Variants in ZNF396 observed in about 807,000 individuals in gnomAD.
ZNF396 encodes the protein zinc finger protein 396.
Under a neutral mutation model 20.5 loss-of-function variants are expected in ZNF396, and 14 were observed. The ratio of observed to expected loss-of-function variants is 0.68; its 90% CI spans 0.45 to 1.07. ZNF396 has a LOEUF of 1.07. ZNF396 is among the 50% of genes least tolerant of loss of function. The probability of loss-of-function intolerance (pLI) is 0.00; values close to 1 mark genes in which losing one functional copy is unlikely to be tolerated. For synonymous variants in ZNF396, 119 were observed against 140.6 expected (o/e 0.85, Z 1.08); for missense variants, 347 against 390.1 (o/e 0.89, Z 0.93).
In ZNF396 at chr18:35,369,691, A is replaced by C. The variant is rs770127498; in HGVS notation, c.563-31T>G. 5.1e-6 allele frequency: 8 copies of C among 1,557,590 alleles called. No homozygotes were observed. In the Admixed American group the frequency reaches 1.6e-4, roughly 32 times the overall value. ...ATGGAAAAACAAATGTCACCAGGAA[A>C]GAGAAAGGATGATCCAAATGAAATA... On this transcript the variant is annotated intron_variant, in intron 3 of 3. Transcript: ENST00000589332.
At chr18:35,373,371 G>A in intron 3 of ZNF396, 85 bp downstream of exon 3, 1 of 1,458,200 alleles carries the variant, frequency 6.9e-7, no homozygotes, top group East Asian at 2.4e-5. Flanking sequence ...GAGATTTGAG[G>A]CCTCTTGCAT....
chr18:35,371,330 CTAAA>C (rs1188486777), intron 3 of ZNF396, among the ~76,000 whole-genome samples: 6 of 152,220 alleles, frequency 3.9e-5, no homozygotes, highest in East Asian at 1.9e-4. Context: ...TCAAATGGGT[CTAAA>C]TAGTTATTAC....
intron 2 of ZNF396, 70 bp from the exon 3 acceptor site, chr18:35,373,670 G>A: frequency 1.3e-6 from 2 of 1,563,658 alleles, no homozygotes; most frequent in Admixed American, 3.8e-5. Flanking sequence ...TAACAGAGAA[G>A]AAACTATGCA....
Position 35,374,479 on chromosome 18 carries a change from A to G in ZNF396, c.-72-115T>C. The stretch of plus-strand genomic sequence containing the variant: ...TATAGGAACTACTGACCTTAGTCTT[A>G]ACAGAAACCATGCTTTTATTTATTT... On this transcript the variant is annotated intron_variant, in intron 1 of 3. Transcript: ENST00000589332. The surrounding 1 kb of genome is among the most constrained non-coding windows in gnomAD (Gnocchi z 4.3). The G allele has an allele frequency of 1.9e-6, 1 of 532,580 alleles. No homozygotes were observed. The highest frequency in any genetic ancestry group is 3.3e-6 in the Non-Finnish European group (1 of 305,612). 33.0% of individuals were successfully genotyped at this position (532,580 alleles called of 1,614,324 possible).
At position 35,374,351 on chromosome 18, in the gene ZNF396, C is replaced by T; in HGVS notation, c.-59G>A. ...TTAATCCTCAAGGAGGTGAAGCTGT[C>T]CTGATGGACACTCCTTAAATATGAT... On this transcript the variant is annotated 5_prime_UTR_variant, in exon 2 of 4. Transcript: ENST00000589332. The surrounding 1 kb of genome is among the most constrained non-coding windows in gnomAD (Gnocchi z 4.3). The T allele has an allele frequency of 6.7e-7, 1 of 1,494,872 alleles. No homozygotes were observed. The highest frequency in any genetic ancestry group is 9.1e-7 in the Non-Finnish European group (1 of 1,099,140). 92.6% of individuals were successfully genotyped at this position (1,494,872 alleles called of 1,614,324 possible).
chr18:35,375,554 G>A (rs1441927458), intron 1 of ZNF396, among the ~76,000 whole-genome samples: 2 of 152,002 alleles, frequency 1.3e-5, no homozygotes, highest in African/African-American at 4.8e-5. Flanking sequence ...GTCTTGCTAT[G>A]TATTATCAAA....
At chr18:35,375,793 A>C (rs2045249052) in intron 1 of ZNF396, among the ~76,000 whole-genome samples, 1 of 152,072 alleles carries the variant, frequency 6.6e-6, no homozygotes, top group Non-Finnish European at 1.5e-5. Flanking sequence ...CCCAGGCTGG[A>C]GTACAATGGC....
chr18:35,372,332 T>A (rs2909345), intron 3 of ZNF396: 131,767 of 152,244 alleles, frequency 0.87, 57,907 homozygotes, highest in Non-Finnish European at 0.91. Context: ...TTTCTAAGTA[T>A]ACCAAGACAA....
intron 1 of ZNF396, among the ~76,000 whole-genome samples, chr18:35,375,020 T>A (rs570227117): frequency 7.2e-5 from 11 of 152,178 alleles, no homozygotes; most frequent in African/African-American, 1.9e-4. Flanking sequence ...AAAGAGCCAA[T>A]CGGTATTTAG....
intron 3 of ZNF396, 46 bp from the exon 4 acceptor site, chr18:35,369,706 C>A: frequency 6.6e-7 from 1 of 1,514,694 alleles, no homozygotes; most frequent in South Asian, 1.3e-5. Context: ...AAGGATGATC[C>A]AAATGAAATA....
chr18:35,372,356 G>A (rs1316298911), intron 3 of ZNF396: 3 of 152,190 alleles, frequency 2.0e-5, no homozygotes, highest in African/African-American at 7.2e-5. Context: ...CTAGACTGGA[G>A]GTATTACGTG....
In ZNF396 at chr18:35,368,482, T is replaced by TTTTTTTTATTTATTTATTTA. The variant is rs1555630344; in HGVS notation, c.*732_*733insTAAATAAATAAATAAAAAAA. The TTTTTTTTATTTATTTATTTA allele has an allele frequency of 3.0e-6, 1 of 338,396 alleles. No homozygotes were observed. The highest frequency in any genetic ancestry group is 5.0e-6 in the Non-Finnish European group (1 of 199,984). 21.0% of individuals were successfully genotyped at this position (338,396 alleles called of 1,614,324 possible). A position where few individuals can be genotyped will look rare whatever the true frequency, so the allele number is the denominator to read the frequency against. On this transcript the variant is annotated 3_prime_UTR_variant, in exon 4 of 4. Transcript: ENST00000589332. ...AGACAAAATAGGAATTTATTTTTAT[T>TTTTTTTTATTTATTTATTTA]TTTATTTATTTATTTATTTATTTAT...
At chr18:35,375,329 C>T (rs1371400880) in intron 1 of ZNF396, among the ~76,000 whole-genome samples, 5 of 151,152 alleles carry the variant, frequency 3.3e-5, no homozygotes, top group African/African-American at 1.2e-4. Context: ...AAGGCAATCA[C>T]GTTCCTTCAT....
At position 35,369,626 on chromosome 18, in the gene ZNF396, A is replaced by G. The variant is rs1229765685; in HGVS notation, c.597T>C (p.Ala199=). The G allele has an allele frequency of 6.2e-7, 1 of 1,605,744 alleles. No individual in the cohort carries two copies. The highest frequency in any genetic ancestry group is 1.3e-5 in the African/African-American group (1 of 74,330). ...TGCCTAAAGAAGTCTTTTGCCTTGA[A>G]GCAGATTTCACATTTGTAGTTTTGA... ...EDIKTTNVKS[A]SRQKTSLGIE... Residue 199 remains alanine (A), a synonymous_variant, in exon 4 of 4, where the codon GCT becomes GCC. Coordinates refer to ENST00000589332, the MANE Select transcript of ZNF396 (RefSeq NM_001322286.2).
At chr18:35,371,466 T>G (rs1167957835) in intron 3 of ZNF396, among the ~76,000 whole-genome samples, 4 of 152,204 alleles carry the variant, frequency 2.6e-5, no homozygotes, top group Non-Finnish European at 4.4e-5. Context: ...ATTTATTTCT[T>G]ATAGTTATGG....
intron 1 of ZNF396, among the ~76,000 whole-genome samples, chr18:35,376,679 A>C (rs1598708488): frequency 6.6e-6 from 1 of 152,214 alleles, no homozygotes; most frequent in South Asian, 2.1e-4. Context: ...GCCGTCAGGT[A>C]CCCTAAGGGA....
chr18:35,368,964 G>A lies in ZNF396; in HGVS notation c.*251C>T. The A allele has an allele frequency of 7.9e-7, 1 of 1,266,298 alleles. No homozygotes were observed. The highest frequency in any genetic ancestry group is 2.9e-5 in the South Asian group (1 of 33,924). 78.4% of individuals were successfully genotyped at this position (1,266,298 alleles called of 1,614,324 possible). ...ACATGTCTGAGAATGCCTTTTCAAG[G>A]CCTGCATAGGGATGGAAATCTGAAT... On this transcript the variant is annotated 3_prime_UTR_variant, in exon 4 of 4. Coordinates refer to ENST00000589332, the MANE Select transcript of ZNF396 (RefSeq NM_001322286.2).
chr18:35,370,428 T>A (rs1434157455), intron 3 of ZNF396, among the ~76,000 whole-genome samples: 2 of 151,060 alleles, frequency 1.3e-5, no homozygotes, highest in East Asian at 3.9e-4. Flanking sequence ...GCAGAACTGC[T>A]AACTCAGATG....
rs759356031 is a variant in ZNF396, at chr18:35,373,467, A to T, written c.551T>A (p.Leu184Ter). ...TCCTGCCCCCTCACCATGTGGTCTT[A>T]AGGACTGAAGCTCCCATGATGCTCC... Reference protein sequence around the residue: ...LQGASWELQSLRPHDEDIKTT... With the variant: ...LQGASWELQS Residue 184 changes from leucine (L) to a stop codon, truncating the protein, a stop_gained, in exon 3 of 4, where the codon TTA becomes TAA. Coordinates refer to ENST00000589332, the MANE Select transcript of ZNF396 (RefSeq NM_001322286.2). LOFTEE classifies it low-confidence loss of function (END_TRUNC). The T allele has an allele frequency of 6.2e-7, 1 of 1,613,914 alleles. No individual in the cohort carries two copies. Among genetic ancestry groups the T allele is most frequent in the Non-Finnish European group, 8.5e-7 (1 of 1,179,942 alleles).
Sources: allele counts gnomAD v4.1 joint callset (sites outside exome capture counted in the v4.1 genomes callset), GRCh38; gene constraint gnomAD v4.1.1; non-coding constraint Gnocchi (gnomAD v3.1); transcripts MANE v1.5; gene names NCBI Gene and HGNC (gene_info 2026-07-23, HGNC 2026-07-21).